PCDHA9: variants seen among roughly 807,000 people sequenced by gnomAD.
PCDHA9 encodes protocadherin alpha 9, also known as protocadherin alpha-9.
Under a neutral mutation model 62.0 loss-of-function variants are expected in PCDHA9, and 62 were observed. The observed-to-expected ratio is 1.00, with a 90% CI of 0.81 to 1.23. The LOEUF (loss-of-function observed/expected upper bound fraction) is 1.23. Among genes scored for constraint, PCDHA9 ranks in the 50% most tolerant of loss-of-function variants. PCDHA9 has a pLI of 0.00. For missense variants in PCDHA9, 1,205 were observed against 1,249.8 expected (o/e 0.96, Z 0.54); for synonymous variants, 557 against 567.6 (o/e 0.98, Z 0.27).
In PCDHA9 at chr5:141,011,816, A is replaced by G. The variant is rs1382441831; in HGVS notation, c.*1879A>G. The G allele has an allele frequency of 1.3e-5, 2 of 153,794 alleles. No homozygotes were observed. Among genetic ancestry groups the G allele is most frequent in the Admixed American group, 1.3e-4 (2 of 15,280 alleles). The allele number at this position is 153,794 out of a possible 1,614,324, so 9.5% of individuals were successfully genotyped here. On this transcript the variant is annotated 3_prime_UTR_variant, in exon 4 of 4. Transcript: ENST00000532602. ...TCTGAAATATCAGCTCATAGAAAGT[A>G]ACAAAATTTGCTGTCACCTTAAATA...
chr5:140,884,547 C>G, intron 1 of PCDHA9: 1 of 1,614,214 alleles, frequency 6.2e-7, no homozygotes, highest in East Asian at 2.2e-5. Context: ...AGGGTGTGCT[C>G]TGGGGAGGGC....
chr5:140,911,147 C>T (rs978714342), intron 1 of PCDHA9, among the ~76,000 whole-genome samples: 6 of 152,218 alleles, frequency 3.9e-5, no homozygotes, highest in Non-Finnish European at 8.8e-5. Context: ...GGTTTTTCTC[C>T]TCAGACAAAT....
At chr5:140,856,510 A>G (rs1193359159) in intron 1 of PCDHA9, 2 of 1,598,532 alleles carry the variant, frequency 1.3e-6, no homozygotes, top group Non-Finnish European at 1.7e-6. Context: ...TTCCACTAGA[A>G]GGCGCATCTG....
Position 140,997,511 on chromosome 5 carries a change from G to A in PCDHA9, c.2543-12116G>A, listed in dbSNP as rs565737825. Among the ~76,000 whole-genome samples, 79 of 152,108 alleles carry A rather than the reference G, an allele frequency of 5.2e-4. No individual in the cohort carries two copies. In the South Asian group the frequency reaches 1.0e-2, roughly 19 times the overall value. ...TTTGTGTATCTCAACATACCTAAACGCAGAAAAAGTACAATAAAAATACAT... is the reference window on the plus strand; with the variant it reads ...TTTGTGTATCTCAACATACCTAAACACAGAAAAAGTACAATAAAAATACAT... On this transcript the variant is annotated intron_variant, in intron 3 of 3. Transcript: ENST00000532602.
At chr5:140,917,305 C>A (rs1554197951) in intron 1 of PCDHA9, among the ~76,000 whole-genome samples, 1 of 137,092 alleles carries the variant, frequency 7.3e-6, no homozygotes, top group Non-Finnish European at 1.5e-5. Flanking sequence ...ATAGTTGTTA[C>A]AATTTGGTGT....
chr5:140,995,314 G>A (rs2097676013), intron 3 of PCDHA9, among the ~76,000 whole-genome samples: 1 of 152,140 alleles, frequency 6.6e-6, no homozygotes, highest in Admixed American at 6.5e-5. Context: ...CTTTCTAAGT[G>A]AACTAACAGG....
chr5:140,928,719 T>C (rs1554206226), intron 1 of PCDHA9: 31 of 1,614,044 alleles, frequency 1.9e-5, no homozygotes, highest in Non-Finnish European at 2.5e-5. Flanking sequence ...CTAGTCTCTT[T>C]AGAATTTCAG....
intron 1 of PCDHA9, chr5:140,877,827 T>C (rs1554170143): frequency 1.2e-6 from 2 of 1,601,676 alleles, no homozygotes; most frequent in Middle Eastern, 1.7e-4. Flanking sequence ...ATTGTTTAAA[T>C]CCTCCCAGTG....
intron 3 of PCDHA9, among the ~76,000 whole-genome samples, chr5:140,988,734 T>C (rs2097310672): frequency 1.3e-5 from 2 of 152,212 alleles, no homozygotes. Context: ...ATAGTAATTA[T>C]TCTAGGATTG....
chr5:140,968,567 G>A (rs1586307422), intron 1 of PCDHA9: 1 of 1,614,156 alleles, frequency 6.2e-7, no homozygotes, highest in East Asian at 2.2e-5. Flanking sequence ...TGCCCCTGCT[G>A]GCTACCTGGT....
Position 140,987,904 on chromosome 5 carries a change from G to T in PCDHA9, c.2542+5341G>T, listed in dbSNP as rs115515462. 1.9e-3 allele frequency among the ~76,000 whole-genome samples: 290 copies of T among 151,852 alleles called. 1 individual carries two copies. The highest frequency in any genetic ancestry group is 7.0e-3 in the African/African-American group (288 of 41,412). On this transcript the variant is annotated intron_variant, in intron 3 of 3. Transcript: ENST00000532602. ...GTTTATGTGCCCTAGTTTTATATGG[G>T]GATTTATATTCTTAATTGTCTCAAG...
intron 1 of PCDHA9, chr5:140,857,701 G>A (rs1043829375): frequency 4.4e-6 from 7 of 1,597,352 alleles, no homozygotes; most frequent in Non-Finnish European, 6.0e-6. Flanking sequence ...TGACGCTGCA[G>A]GTGTTCGTGC....
chr5:140,849,962 G>A lies in PCDHA9; in HGVS notation c.1467G>A (p.Leu489=). Residue 489 remains leucine, a synonymous_variant, in exon 1 of 4, where the codon CTG becomes CTA. Transcript: ENST00000532602. ...ACGCTGACGCGCAGGAGAACGCCCT[G>A]GTGTCCTACTCGCTGGTGGAGCGGC... ...ARDADAQENA[L]VSYSLVERRL... The A allele has an allele frequency of 6.3e-7, 1 of 1,597,888 alleles. No homozygotes were observed. Among genetic ancestry groups the A allele is most frequent in the Admixed American group, 1.7e-5 (1 of 59,308 alleles).
intron 1 of PCDHA9, chr5:140,875,853 C>T (rs2055871558): frequency 6.2e-7 from 1 of 1,614,162 alleles, no homozygotes; most frequent in African/African-American, 1.3e-5. Flanking sequence ...AGGACATTAA[C>T]GACAACCCGC....
intron 1 of PCDHA9, among the ~76,000 whole-genome samples, chr5:140,934,465 A>G (rs1313806464): frequency 1.3e-5 from 2 of 152,152 alleles, no homozygotes; most frequent in African/African-American, 4.8e-5. Context: ...ATGTTTTAAC[A>G]TTATTTTGAA....
At chr5:140,904,164 T>C (rs1475689291) in intron 1 of PCDHA9, among the ~76,000 whole-genome samples, 1 of 152,078 alleles carries the variant, frequency 6.6e-6, no homozygotes, top group Non-Finnish European at 1.5e-5. Flanking sequence ...CAGTTTGTAG[T>C]CTTTTATTCC....
At chr5:140,889,009 C>T (rs1030437186) in intron 1 of PCDHA9, among the ~76,000 whole-genome samples, 7 of 152,128 alleles carry the variant, frequency 4.6e-5, no homozygotes, top group Admixed American at 1.3e-4. Flanking sequence ...GCAAACCAAC[C>T]TCTACTTCCT....
In PCDHA9 at chr5:140,857,042, C is replaced by T. The variant is rs147770909; in HGVS notation, c.2394+6153C>T. The T allele has an allele frequency of 1.1e-5, 18 of 1,595,436 alleles. 1 individual carries two copies. In the African/African-American group the frequency reaches 1.2e-4, roughly 11 times the overall value. ...TAAGGGAAACCCACCTATGGTTGGTCACTGCACGGTCCTAGTGGAACTACT... is the reference window on the plus strand; with the variant it reads ...TAAGGGAAACCCACCTATGGTTGGTTACTGCACGGTCCTAGTGGAACTACT... On this transcript the variant is annotated intron_variant, in intron 1 of 3. Coordinates refer to ENST00000532602, the MANE Select transcript of PCDHA9 (RefSeq NM_031857.2).
chr5:141,005,737 G>A (rs568489145), intron 3 of PCDHA9, among the ~76,000 whole-genome samples: 173 of 143,620 alleles, frequency 1.2e-3, no homozygotes, highest in African/African-American at 4.5e-3. Flanking sequence ...AAAAAGAATG[G>A]ATGAGAAATC....
Sources: gnomAD v4.1 joint callset for allele counts (sites outside exome capture counted in the v4.1 genomes callset) on GRCh38, gnomAD v4.1.1 for gene constraint, MANE v1.5 for transcripts, NCBI Gene and HGNC (gene_info 2026-07-23, HGNC 2026-07-21) for gene names.